Variants in GTPBP4 observed in about 807,000 individuals in gnomAD.
The protein encoded by GTPBP4 is GTP binding protein 4.
In GTPBP4, 15 loss-of-function variants were observed where a neutral mutation model predicts 81.7. The observed-to-expected ratio is 0.18, with a 90% CI of 0.12 to 0.28. The LOEUF (loss-of-function observed/expected upper bound fraction) is 0.28, where lower values mean the gene tolerates loss of function less well. GTPBP4 is among the 10% of genes least tolerant of loss of function. GTPBP4 has a pLI of 1.00. For synonymous variants in GTPBP4, 272 were observed against 274.6 expected (o/e 0.99, Z 0.09); for missense variants, 847 against 793.8 (o/e 1.07, Z -0.81).
intron 1 of GTPBP4, 53 bp downstream of exon 1, chr10:988,580 C>T (rs1244619820): frequency 2.9e-6 from 4 of 1,399,236 alleles, no homozygotes; most frequent in South Asian, 2.3e-5. Context: ...TCAGCTGGGT[C>T]CCCGGGGAGG....
chr10:991,852 C>T (rs193049922), intron 1 of GTPBP4, among the ~76,000 whole-genome samples: 7,757 of 148,954 alleles, frequency 0.052, 662 homozygotes, highest in African/African-American at 0.18. Context: ...CCCGCTACCA[C>T]GCCCGGCTAA....
intron 8 of GTPBP4, among the ~76,000 whole-genome samples, chr10:1,005,580 TTG>T (rs1470608918): frequency 6.6e-6 from 1 of 152,222 alleles, no homozygotes; most frequent in Non-Finnish European, 1.5e-5. Context: ...ATTGCCTTTG[TTG>T]TGGGGGACAG....
rs1189262959 is a variant in GTPBP4 at position 1,014,316 on chromosome 10, A to T, written c.1608+4A>T. The T allele has an allele frequency of 3.1e-6, 5 of 1,600,846 alleles. No individual in the cohort carries two copies. Among genetic ancestry groups the T allele is most frequent in the South Asian group, 1.1e-5 (1 of 90,874 alleles). On this transcript the variant is annotated splice_donor_region_variant and intron_variant, in intron 15 of 16. Coordinates refer to ENST00000360803, the MANE Select transcript of GTPBP4 (RefSeq NM_012341.3). Reference sequence around the variant, plus strand: ...TGACATGGACGATAAAGACGATGTGAGTGTGGGGGCGGTTCATGTGTTTAT... The same window carrying T: ...TGACATGGACGATAAAGACGATGTGTGTGTGGGGGCGGTTCATGTGTTTAT...
intron 2 of GTPBP4, among the ~76,000 whole-genome samples, chr10:993,955 C>T (rs951467400): frequency 6.6e-6 from 1 of 151,952 alleles, no homozygotes; most frequent in Non-Finnish European, 1.5e-5. Context: ...GACAGGGTTT[C>T]ACCATGTTGG....
intron 15 of GTPBP4, among the ~76,000 whole-genome samples, chr10:1,014,663 A>AAAAG: frequency 6.6e-6 from 1 of 152,156 alleles, no homozygotes; most frequent in East Asian, 1.9e-4. Context: ...CATCTCAAAA[A>AAAAG]AAAGAAAGAA....
In GTPBP4 at chr10:999,937, C is replaced by T. The variant is rs1221423290; in HGVS notation, c.655-740C>T. ...TTGTGCCATTGCACTCCAGCCTGGG[C>T]GACAGGAGCGAAACTCTGTCTCAAA... On this transcript the variant is annotated intron_variant, in intron 6 of 16. Transcript: ENST00000360803. 2.6e-5 allele frequency among the ~76,000 whole-genome samples: 4 copies of T among 152,148 alleles called. 1 individual carries two copies. The highest frequency in any genetic ancestry group is 4.1e-4 in the South Asian group (2 of 4,826).
At chr10:988,658 C>G in intron 1 of GTPBP4, 131 bp downstream of exon 1, 1 of 669,792 alleles carries the variant, frequency 1.5e-6, no homozygotes, top group Non-Finnish European at 2.6e-6. Flanking sequence ...TGGGCCTGAC[C>G]GTCTGGCCGC....
At chr10:998,878 C>G (rs1047528119) in intron 5 of GTPBP4, 125 bp from the exon 6 acceptor site, 6 of 651,380 alleles carry the variant, frequency 9.2e-6, no homozygotes, top group African/African-American at 5.4e-5. Context: ...CTATTCGATG[C>G]AGTTTTATCG....
At chr10:995,803 C>A in intron 2 of GTPBP4, 126 bp from the exon 3 acceptor site, 1 of 625,804 alleles carries the variant, frequency 1.6e-6, no homozygotes. Flanking sequence ...GGCCCCTGGC[C>A]AGGAGAGGGA....
chr10:1,010,443 T>C lies in GTPBP4; in HGVS notation c.1267T>C (p.Ser423Pro), dbSNP rs748805111. 2 of 1,567,048 alleles carry C rather than the reference T, an allele frequency of 1.3e-6. No individual in the cohort carries two copies. The highest frequency in any genetic ancestry group is 3.3e-5 in the Admixed American group (2 of 59,920). The change falls in exon 13 of 17, where the codon TCT (serine) becomes CCT (proline). Residue 423 changes from serine (S) to proline (P), a missense_variant. Physicochemically the swap from Ser to Pro is moderately conservative, Grantham distance 74 (BLOSUM62 -1). Transcript: ENST00000360803. ...LQKYWDLMNL[S>P]EKHDKIPEIW... is the part of the protein sequence containing the mutation. ...AGAGTACTGGGATTTAATGAATTTG[T>C]CTGAAAAACATGATAAGATACCAGA...
chr10:1,017,236 T>C lies in GTPBP4; in HGVS notation c.*9T>C. 2 of 1,612,766 alleles carry C rather than the reference T, an allele frequency of 1.2e-6. No individual in the cohort carries two copies. The highest frequency in any genetic ancestry group is 1.7e-6 in the Non-Finnish European group (2 of 1,179,086). ...AAAAGGACAGGAGATAGTATCCGTTTGGTTGGCGTGGCTTCGCTAGAGTGT... is the reference window on the plus strand; with the variant it reads ...AAAAGGACAGGAGATAGTATCCGTTCGGTTGGCGTGGCTTCGCTAGAGTGT... On this transcript the variant is annotated 3_prime_UTR_variant, in exon 17 of 17. Coordinates refer to ENST00000360803, the MANE Select transcript of GTPBP4 (RefSeq NM_012341.3).
intron 15 of GTPBP4, among the ~76,000 whole-genome samples, chr10:1,014,650 C>T (rs1831943050): frequency 6.6e-6 from 1 of 152,060 alleles, no homozygotes; most frequent in African/African-American, 2.4e-5. Flanking sequence ...CAGAGTGAGA[C>T]TCCATCTCAA....
intron 8 of GTPBP4, among the ~76,000 whole-genome samples, chr10:1,001,289 G>C (rs1564467641): frequency 6.6e-6 from 1 of 152,208 alleles, no homozygotes; most frequent in Non-Finnish European, 1.5e-5. Context: ...TGATTACTTA[G>C]GAGAGAACTG....
intron 14 of GTPBP4, among the ~76,000 whole-genome samples, chr10:1,013,224 T>C (rs1302470026): frequency 6.6e-6 from 1 of 152,036 alleles, no homozygotes; most frequent in Admixed American, 6.5e-5. Flanking sequence ...CCTCAAGTGA[T>C]CTGCCTGCCT....
chr10:1,017,183 T>G lies in GTPBP4; in HGVS notation c.1861T>G (p.Leu621Val), dbSNP rs763423456. ...RHVFDMKPKH[L>V]LSGKRKAGKK... ...CGTGTTTGATATGAAGCCCAAGCAC[T>G]TGCTGTCTGGGAAGAGGAAAGCTGG... Residue 621 changes from leucine to valine, a missense_variant, in exon 17 of 17, where the codon TTG (leucine) becomes GTG (valine). This residue lies in a region of GTPBP4 where 600 missense variants were observed against 557.1 expected (regional missense o/e 1.08). Transcript: ENST00000360803. The G allele has an allele frequency of 6.2e-7, 1 of 1,613,968 alleles. No individual in the cohort carries two copies. Among genetic ancestry groups the G allele is most frequent in the Non-Finnish European group, 8.5e-7 (1 of 1,179,930 alleles).
intron 1 of GTPBP4, among the ~76,000 whole-genome samples, chr10:991,778 C>T (rs1430787528): frequency 1.4e-5 from 2 of 141,722 alleles, no homozygotes; most frequent in African/African-American, 2.6e-5. Flanking sequence ...TCACTGCAAG[C>T]TCCGCCTCCC....
chr10:1,008,123 T>C (rs1236184027), intron 10 of GTPBP4: 1 of 454,656 alleles, frequency 2.2e-6, no homozygotes, highest in South Asian at 1.6e-5. Flanking sequence ...TTTAAAAGTA[T>C]CTTTTCTTGC....
chr10:1,008,364 C>T (rs1831788495), intron 10 of GTPBP4: 2 of 366,480 alleles, frequency 5.5e-6, no homozygotes, highest in African/African-American at 2.1e-5. Context: ...GAGATCACTC[C>T]ACTGTACTCC....
At chr10:1,005,013 C>A (rs1202457734) in intron 8 of GTPBP4, among the ~76,000 whole-genome samples, 3 of 152,290 alleles carry the variant, frequency 2.0e-5, no homozygotes, top group East Asian at 3.9e-4. Context: ...CTGTGGGTGT[C>A]CAGAGTGGTG....
Sources: gnomAD v4.1 joint callset for allele counts (sites outside exome capture counted in the v4.1 genomes callset) on GRCh38, gnomAD v4.1.1 for gene constraint, gnomAD v4.1.1 regional missense constraint, MANE v1.5 for transcripts, NCBI Gene and HGNC (gene_info 2026-07-23, HGNC 2026-07-21) for gene names.